Variants in GYPC observed in about 807,000 individuals in gnomAD.
GYPC encodes glycophorin C (Gerbich blood group), also known as glycophorin-C.
In GYPC, 14 loss-of-function variants were observed where a neutral mutation model predicts 12.6. The observed-to-expected ratio is 1.11, with a 90% CI of 0.74 to 1.74. GYPC has a LOEUF of 1.74. Among genes scored for constraint, GYPC ranks in the 40% most tolerant of loss-of-function variants. GYPC has a pLI of 0.00. For synonymous variants in GYPC, 78 were observed against 62.1 expected, an observed-to-expected ratio of 1.26 and a Z score of -1.20; for missense variants, 225 against 172.1, an observed-to-expected ratio of 1.31 and a Z score of -1.72.
At chr2:126,668,131 C>T (rs533921501) in intron 1 of GYPC, among the ~76,000 whole-genome samples, 142 of 152,310 alleles carry the variant, frequency 9.3e-4, no homozygotes, top group South Asian at 4.6e-3. Context: ...GGGATCCCCA[C>T]CCTAAAAGTC....
intron 1 of GYPC, among the ~76,000 whole-genome samples, chr2:126,669,033 A>G (rs925666205): frequency 2.0e-5 from 3 of 152,186 alleles, no homozygotes; most frequent in Non-Finnish European, 1.5e-5. Flanking sequence ...TAATTCCCCC[A>G]ACGTAAATGG....
At chr2:126,694,130 A>C (rs1683568231) in intron 3 of GYPC, among the ~76,000 whole-genome samples, 183 bp downstream of exon 3, 1 of 152,114 alleles carries the variant, frequency 6.6e-6, no homozygotes, top group Admixed American at 6.5e-5. Flanking sequence ...ATATACATGC[A>C]TACATCGTAC....
At position 126,663,869 on chromosome 2, in the gene GYPC, T is replaced by C. The variant is rs542616755; in HGVS notation, c.49+7557T>C. ...CCCTCATGCGCTCTACCTTTCAATG[T>C]CTTCTTTAGGCAGTCATTTCTCCTT... is the stretch of plus-strand genomic sequence containing the variant. On this transcript the variant is annotated intron_variant, in intron 1 of 3. Transcript: ENST00000259254. Among the ~76,000 whole-genome samples, 8 of 152,272 alleles carry C rather than the reference T, an allele frequency of 5.3e-5. No individual in the cohort carries two copies. The South Asian group carries it at 1.7e-3, about 32-fold the overall frequency.
Position 126,691,697 on chromosome 2 carries a change from A to C in GYPC, c.106+1386A>C, listed in dbSNP as rs375416317. On this transcript the variant is annotated intron_variant, in intron 2 of 3. Transcript: ENST00000259254. ...AATAATCTCCAAGCAGTGTTCTTGC[A>C]ACTGTTGCAAGGACCATGTTAAATT... Among the ~76,000 whole-genome samples, 38 of 152,292 alleles carry C rather than the reference A, an allele frequency of 2.5e-4. No individual in the cohort carries two copies. The East Asian group carries it at 6.2e-3, about 25-fold the overall frequency.
intron 3 of GYPC, among the ~76,000 whole-genome samples, chr2:126,695,506 AC>A (rs1177868904): frequency 6.6e-6 from 1 of 152,210 alleles, no homozygotes; most frequent in Non-Finnish European, 1.5e-5. Flanking sequence ...TCCAGTGTAC[AC>A]GGTTCAACTT....
chr2:126,676,665 G>A (rs1456144576), intron 1 of GYPC, among the ~76,000 whole-genome samples: 1 of 152,180 alleles, frequency 6.6e-6, no homozygotes, highest in Non-Finnish European at 1.5e-5. Flanking sequence ...ATAGGGGGCT[G>A]GGAAGATGGA....
intron 1 of GYPC, among the ~76,000 whole-genome samples, chr2:126,663,573 G>A (rs1682598505): frequency 6.6e-6 from 1 of 152,206 alleles, no homozygotes; most frequent in Admixed American, 6.5e-5. Flanking sequence ...GAGAAGAGTA[G>A]GCTCTTTGAA....
At chr2:126,674,227 T>C (rs950015464) in intron 1 of GYPC, among the ~76,000 whole-genome samples, 5 of 152,138 alleles carry the variant, frequency 3.3e-5, no homozygotes, top group African/African-American at 7.2e-5. Context: ...GAGCCTCTTA[T>C]CAGTCAGCTG....
chr2:126,684,073 T>A (rs1463672519), intron 1 of GYPC, among the ~76,000 whole-genome samples: 3 of 152,200 alleles, frequency 2.0e-5, no homozygotes, highest in Non-Finnish European at 4.4e-5. Context: ...AGGAAAGCAC[T>A]GCTGATCATC....
At chr2:126,684,534 G>C (rs1171511627) in intron 1 of GYPC, among the ~76,000 whole-genome samples, 4 of 152,074 alleles carry the variant, frequency 2.6e-5, no homozygotes, top group Non-Finnish European at 2.9e-5. Context: ...GGACAGACTT[G>C]GGGCCACCTC....
At position 126,665,529 on chromosome 2, in the gene GYPC, G is replaced by A. The variant is rs79924545; in HGVS notation, c.49+9217G>A. On this transcript the variant is annotated intron_variant, in intron 1 of 3. Coordinates refer to ENST00000259254, the MANE Select transcript of GYPC (RefSeq NM_002101.5). ...ATAGATGATCACCCAGTGGCAGCTC[G>A]AAGGGAGATTAGGGCACAGATAAGG... 7.4e-3 allele frequency among the ~76,000 whole-genome samples: 1,128 copies of A among 152,328 alleles called. 19 individuals carry two copies. The highest frequency in any genetic ancestry group is 0.025 in the African/African-American group (1,053 of 41,570).
At chr2:126,685,796 A>G (rs1683272317) in intron 1 of GYPC, 4 of 985,230 alleles carry the variant, frequency 4.1e-6, no homozygotes, top group Non-Finnish European at 4.8e-6. Context: ...TTGCTGCTGC[A>G]TCACTGTCAT....
At chr2:126,690,027 G>A (rs1683408872) in intron 1 of GYPC, among the ~76,000 whole-genome samples, 2 of 152,214 alleles carry the variant, frequency 1.3e-5, no homozygotes, top group South Asian at 2.1e-4. Flanking sequence ...GGAGTGACCT[G>A]GTGGTTCAGG....
At chr2:126,673,443 C>T (rs999376555) in intron 1 of GYPC, among the ~76,000 whole-genome samples, 11 of 152,292 alleles carry the variant, frequency 7.2e-5, no homozygotes, top group African/African-American at 2.4e-4. Context: ...GTGTGCCAGT[C>T]GAGCTGCCAG....
In GYPC at chr2:126,656,312, G is replaced by C. The variant is rs770492948; in HGVS notation, c.49G>C (p.Glu17Gln). The C allele has an allele frequency of 8.8e-6, 14 of 1,582,852 alleles. No homozygotes were observed. In the African/African-American group the frequency reaches 1.8e-4, roughly 20 times the overall value. Reference protein sequence around the residue: ...PNSTAWPLSLEPDPGMASAST... With the variant: ...PNSTAWPLSLQPDPGMASAST... The stretch of plus-strand genomic sequence containing the variant: ...CAGCACGGCGTGGCCTCTCAGCCTC[G>C]GTGAGTACCCGCCGTGGGGAAGGGT... The change falls in exon 1 of 4, where the codon GAG (glutamate) becomes CAG (glutamine). Residue 17 changes from glutamate (E) to glutamine (Q), a missense_variant and splice_region_variant. Transcript: ENST00000259254.
In GYPC at chr2:126,696,032, A is replaced by C; in HGVS notation, c.277A>C (p.Thr93Pro). Residue 93 changes from threonine (T) to proline (P), a missense_variant, in exon 4 of 4, where the codon ACC (threonine) becomes CCC (proline). Coordinates refer to ENST00000259254, the MANE Select transcript of GYPC (RefSeq NM_002101.5). ...YMYRHKGTYH[T>P]NEAKGTEFAE... is the part of the protein sequence containing the mutation. ...GTACCGGCACAAGGGCACGTACCAC[A>C]CCAATGAGGCCAAGGGCACGGAGTT... The C allele has an allele frequency of 6.2e-7, 1 of 1,614,098 alleles. No individual in the cohort carries two copies.
At chr2:126,692,877 C>G (rs938733) in intron 2 of GYPC, among the ~76,000 whole-genome samples, 90,005 of 151,978 alleles carry the variant, frequency 0.59, 27,142 homozygotes, top group African/African-American at 0.7. Context: ...TGGCCAAGTC[C>G]TGACCTGATA....
At chr2:126,677,464 A>ATGTGTGTGT (rs1558884886) in intron 1 of GYPC, among the ~76,000 whole-genome samples, 1 of 145,246 alleles carries the variant, frequency 6.9e-6, no homozygotes, top group African/African-American at 2.7e-5. Context: ...AGAGTGTGAC[A>ATGTGTGTGT]GTGTGTGTGT....
At chr2:126,692,734 T>G (rs912341451) in intron 2 of GYPC, among the ~76,000 whole-genome samples, 3 of 152,148 alleles carry the variant, frequency 2.0e-5, no homozygotes, top group Non-Finnish European at 4.4e-5. Context: ...ACTTGGATAG[T>G]GTCATAGAGT....
Sources: allele counts gnomAD v4.1 joint callset (sites outside exome capture counted in the v4.1 genomes callset), GRCh38; gene constraint gnomAD v4.1.1; transcripts MANE v1.5; gene names NCBI Gene and HGNC (gene_info 2026-07-23, HGNC 2026-07-21).